Variants in GRM6 observed in about 807,000 individuals in gnomAD.
GRM6 encodes the protein metabotropic glutamate receptor 6.
A neutral mutation model predicts 78.4 loss-of-function variants in GRM6; 73 were observed. The ratio of observed to expected loss-of-function variants is 0.93; its 90% CI spans 0.77 to 1.13. The LOEUF is 1.13. Among genes scored for constraint, GRM6 ranks in the 50% most tolerant of loss-of-function variants. The pLI is 0.00. For missense variants in GRM6, 1,251 were observed against 1,256.4 expected, an observed-to-expected ratio of 1.00 and a Z score of 0.07; for synonymous variants, 580 against 555.0, an observed-to-expected ratio of 1.05 and a Z score of -0.63.
rs935041708 is a variant in GRM6 at position 178,988,727 on chromosome 5, G to A, written c.1354+208C>T. Among the ~76,000 whole-genome samples the A allele has an allele frequency of 2.0e-5, 3 of 152,160 alleles. No homozygotes were observed. Among genetic ancestry groups the A allele is most frequent in the Non-Finnish European group, 4.4e-5 (3 of 68,018 alleles). On this transcript the variant is annotated intron_variant, in intron 7 of 10. Transcript: ENST00000517717. The surrounding 1 kb of genome is among the most constrained non-coding windows in gnomAD (Gnocchi z 6.0). ...CAGCATCTGAACTGTGCAAACCAGC[G>A]CAGGGAACACTGAAGCCTGGGGAGG... is the stretch of plus-strand genomic sequence containing the variant.
At chr5:178,986,062 C>G (rs950928047) in intron 9 of GRM6, 68 bp downstream of exon 9, 6 of 1,461,498 alleles carry the variant, frequency 4.1e-6, no homozygotes, top group Non-Finnish European at 5.6e-6. Context: ...GTGCCTGGCC[C>G]TTTTGGCTTT....
chr5:178,987,637 G>A (rs1479696892), intron 7 of GRM6, among the ~76,000 whole-genome samples: 4 of 152,308 alleles, frequency 2.6e-5, no homozygotes, highest in South Asian at 2.1e-4. Flanking sequence ...GTGGAATGGC[G>A]GTTGCAGGTG....
Position 178,986,600 on chromosome 5 carries a change from C to T in GRM6, c.1654G>A (p.Glu552Lys), listed in dbSNP as rs749148809. ...CCAGGACAGGCCTCGCATGTGAACT[C>T]GTCCACCTGGAAGCGGTACCCGTCA... ...ACDGYRFQVD[E>K]FTCEACPGDM... The change falls in exon 9 of 11, where the codon GAG (glutamate) becomes AAG (lysine). Residue 552 changes from glutamate to lysine, a missense_variant. Coordinates refer to ENST00000517717, the MANE Select transcript of GRM6 (RefSeq NM_000843.4). 1.4e-5 allele frequency: 22 copies of T among 1,604,754 alleles called. No individual in the cohort carries two copies. The highest frequency in any genetic ancestry group is 1.7e-5 in the Admixed American group (1 of 60,004).
chr5:178,983,306 AT>A, intron 9 of GRM6, 85 bp from the exon 10 acceptor site: 1 of 1,203,070 alleles, frequency 8.3e-7, no homozygotes, highest in South Asian at 1.2e-5. Flanking sequence ...GCGGGTCAGG[AT>A]CCCCTTGAGG....
In GRM6 at chr5:178,991,341, T is replaced by C; in HGVS notation, c.857+83A>G. On this transcript the variant is annotated intron_variant, in intron 4 of 10. Transcript: ENST00000517717. This position sits in a 1 kb window ranked among gnomAD's most constrained non-coding sequence, Gnocchi z 5.0. ...GCAGGGGAAAGGGAGGCAGGGAGAGTGTGTAAGGTGGCGATGTGCAAGAGG... is the reference window on the plus strand; with the variant it reads ...GCAGGGGAAAGGGAGGCAGGGAGAGCGTGTAAGGTGGCGATGTGCAAGAGG... 2 of 1,256,782 alleles carry C rather than the reference T, an allele frequency of 1.6e-6. No homozygotes were observed. Among genetic ancestry groups the C allele is most frequent in the East Asian group, 2.3e-5 (1 of 43,186 alleles). 77.9% of individuals were successfully genotyped at this position (1,256,782 alleles called of 1,614,324 possible). A position where few individuals can be genotyped will look rare whatever the true frequency, so the allele number is the denominator to read the frequency against.
In GRM6 at chr5:178,982,906, T is replaced by A; in HGVS notation, c.2436+4A>T. 1 of 1,611,012 alleles carries A rather than the reference T, an allele frequency of 6.2e-7. No individual in the cohort carries two copies. The highest frequency in any genetic ancestry group is 8.5e-7 in the Non-Finnish European group (1 of 1,177,162). ...GCAGCGAGACCTCCTGGGGACCTCA[T>A]TACCTTTTCAGCTGACTGGGCAGTG... is the stretch of plus-strand genomic sequence containing the variant. On this transcript the variant is annotated splice_donor_region_variant and intron_variant, in intron 10 of 10. Transcript: ENST00000517717.
chr5:178,993,091 G>A (rs762556619), intron 2 of GRM6, among the ~76,000 whole-genome samples: 11 of 152,188 alleles, frequency 7.2e-5, no homozygotes, highest in African/African-American at 1.2e-4. Flanking sequence ...CTGCCAGCAC[G>A]GTCATGTGGC....
intron 10 of GRM6, among the ~76,000 whole-genome samples, chr5:178,982,460 C>A (rs910185216): frequency 6.6e-6 from 1 of 151,498 alleles, no homozygotes; most frequent in African/African-American, 2.4e-5. Flanking sequence ...CACCTGTAGT[C>A]CCAGCTACGG....
In GRM6 at chr5:178,992,332, T is replaced by C. The variant is rs1261845614; in HGVS notation, c.505-249A>G. On this transcript the variant is annotated intron_variant, in intron 2 of 10. Transcript: ENST00000517717. The surrounding 1 kb of genome is among the most constrained non-coding windows in gnomAD (Gnocchi z 4.9). ...GTGAATGCTGTGCAGGTGGGAGGTA[T>C]GCAGGGCTGGGGAGAGGGCAGGACC... 6 of 641,040 alleles carry C rather than the reference T, an allele frequency of 9.4e-6. No individual in the cohort carries two copies. Among genetic ancestry groups the C allele is most frequent in the Non-Finnish European group, 1.7e-5 (6 of 344,688 alleles). 39.7% of individuals were successfully genotyped at this position (641,040 alleles called of 1,614,324 possible).
At chr5:178,985,325 T>C (rs922011079) in intron 9 of GRM6, 17 of 453,322 alleles carry the variant, frequency 3.8e-5, no homozygotes, top group Middle Eastern at 3.2e-4. Flanking sequence ...CCGTTTTCCT[T>C]CAAGGACCCA....
intron 5 of GRM6, 116 bp from the exon 6 acceptor site, chr5:178,989,521 GC>G: frequency 7.5e-7 from 1 of 1,331,370 alleles, no homozygotes; most frequent in African/African-American, 1.5e-5. Flanking sequence ...GCTAGGAGTG[GC>G]CAGGTGAACT....
Position 178,986,439 on chromosome 5 carries a change from G to A in GRM6, c.1815C>T (p.Ala605=), listed in dbSNP as rs999753237. Residue 605 remains alanine (A), a synonymous_variant, in exon 9 of 11, where the codon GCC becomes GCT. Transcript: ENST00000517717. ...LGIVATTTVV[A]TFVRYNNTPI... is the part of the protein sequence containing the mutation. ...GCGTGTTGTTGTACCGCACGAAGGT[G>A]GCCACCACCGTGGTAGTGGCCACGA... The A allele has an allele frequency of 1.7e-5, 28 of 1,613,218 alleles. No homozygotes were observed. The highest frequency in any genetic ancestry group is 2.7e-5 in the African/African-American group (2 of 74,954).
Position 178,992,279 on chromosome 5 carries a change from G to GGCAAGGTCTA in GRM6, c.505-197_505-196insTAGACCTTGC, listed in dbSNP as rs34573509. The GGCAAGGTCTA allele has an allele frequency of 3.7e-6, 2 of 541,862 alleles. No homozygotes were observed. The highest frequency in any genetic ancestry group is 6.5e-6 in the Non-Finnish European group (2 of 309,812). The allele number at this position is 541,862 out of a possible 1,614,324, so 33.6% of individuals were successfully genotyped here. A position where few individuals can be genotyped will look rare whatever the true frequency, so the allele number is the denominator to read the frequency against. On this transcript the variant is annotated intron_variant, in intron 2 of 10. Coordinates refer to ENST00000517717, the MANE Select transcript of GRM6 (RefSeq NM_000843.4). The surrounding 1 kb of genome is among the most constrained non-coding windows in gnomAD (Gnocchi z 4.9). ...CCACCTGGAAAGGCTGGAAGCTGTG[G>GGCAAGGTCTA]TGTTTTGCGAGTGGGCCTGAGAATT...
intron 5 of GRM6, 127 bp downstream of exon 5, chr5:178,990,465 A>T (rs1233593042): frequency 9.6e-6 from 8 of 831,768 alleles, no homozygotes; most frequent in Non-Finnish European, 1.4e-5. Flanking sequence ...TCGGACTCAT[A>T]GGATCTGGGG....
chr5:178,986,015 G>A, intron 9 of GRM6, 115 bp downstream of exon 9: 1 of 951,908 alleles, frequency 1.1e-6, no homozygotes, highest in Non-Finnish European at 1.6e-6. Flanking sequence ...ACCCACCTCA[G>A]CCTCCAAAGG....
At chr5:178,983,960 G>A (rs1258564454) in intron 9 of GRM6, among the ~76,000 whole-genome samples, 5 of 152,246 alleles carry the variant, frequency 3.3e-5, no homozygotes, top group Non-Finnish European at 7.3e-5. Flanking sequence ...CTGCATGCCA[G>A]TGCCATGCCG....
chr5:178,983,846 C>G (rs1760455598), intron 9 of GRM6, among the ~76,000 whole-genome samples: 1 of 152,222 alleles, frequency 6.6e-6, no homozygotes, highest in Non-Finnish European at 1.5e-5. Context: ...ACGAAGCCAC[C>G]TGCATAAAGG....
intron 5 of GRM6, chr5:178,989,953 T>C: frequency 4.9e-6 from 1 of 206,120 alleles, no homozygotes; most frequent in East Asian, 1.2e-4. Flanking sequence ...GATGCCTTTA[T>C]CGCTAAAACT....
intron 5 of GRM6, chr5:178,989,720 T>A: frequency 2.2e-6 from 1 of 452,560 alleles, no homozygotes; most frequent in Non-Finnish European, 4.1e-6. Context: ...TGAAAGACTT[T>A]TATCCCTGCT....
Sources: allele counts gnomAD v4.1 joint callset (sites outside exome capture counted in the v4.1 genomes callset), GRCh38; gene constraint gnomAD v4.1.1; non-coding constraint Gnocchi (gnomAD v3.1); transcripts MANE v1.5; gene names NCBI Gene and HGNC (gene_info 2026-07-23, HGNC 2026-07-21).